Variants in PPARGC1A observed in about 807,000 individuals in gnomAD.
PPARGC1A encodes peroxisome proliferator-activated receptor gamma coactivator 1-alpha.
In PPARGC1A, 25 loss-of-function variants were observed where a neutral mutation model predicts 88.7. The observed-to-expected ratio is 0.28, with a 90% CI of 0.21 to 0.39. The LOEUF is 0.39. Ranked by LOEUF, PPARGC1A falls within the 10% of genes least tolerant of loss-of-function variation. The pLI, the probability that PPARGC1A is intolerant of heterozygous loss-of-function variation, is 1.00. For missense variants in PPARGC1A, 880 were observed against 968.7 expected (o/e 0.91, Z 1.22); for synonymous variants, 363 against 355.6 (o/e 1.02, Z -0.24).
At chr4:24,270,315 CTCTCTCTCTCTCTCTCTCTGTGTGTG>C in the PPARGC1A span, among the ~76,000 whole-genome samples, 1 of 10,906 alleles carries the variant, frequency 9.2e-5, no homozygotes, top group East Asian at 0.019. Context: ...ACCTCTCTCT[CTCTCTCTCTCTCTCTCTCTGTGTGTG>C]TGTGTGTGTG....
the PPARGC1A span, among the ~76,000 whole-genome samples, chr4:24,140,108 C>T: frequency 2.6e-5 from 4 of 152,102 alleles, no homozygotes; most frequent in African/African-American, 9.7e-5. Context: ...CCAAAACCCG[C>T]CTTTGATGTC....
intron 7 of PPARGC1A, among the ~76,000 whole-genome samples, chr4:23,817,309 G>A (rs998214982): frequency 1.3e-5 from 2 of 151,818 alleles, no homozygotes; most frequent in Admixed American, 6.6e-5. Flanking sequence ...GGGGAGTGGC[G>A]ACACCTTGAT....
intron 7 of PPARGC1A, among the ~76,000 whole-genome samples, chr4:23,821,487 A>C (rs1428931902): frequency 6.6e-6 from 1 of 151,906 alleles, no homozygotes; most frequent in East Asian, 1.9e-4. Context: ...GGGGTGGGGG[A>C]GGCACAGAAA....
chr4:24,328,396 A>G, the PPARGC1A span, among the ~76,000 whole-genome samples: 1 of 152,160 alleles, frequency 6.6e-6, no homozygotes, highest in Admixed American at 6.5e-5. Context: ...TGTCATGGAC[A>G]ATATGATTAG....
the PPARGC1A span, among the ~76,000 whole-genome samples, chr4:24,201,987 C>T: frequency 1.3e-5 from 2 of 151,802 alleles, no homozygotes; most frequent in African/African-American, 2.4e-5. Context: ...CTGCAACCTC[C>T]GCCTCCCAGG....
chr4:24,276,697 A>G, the PPARGC1A span, among the ~76,000 whole-genome samples: 1 of 152,224 alleles, frequency 6.6e-6, no homozygotes, highest in Non-Finnish European at 1.5e-5. Context: ...CTCCAAAGGT[A>G]GGAAAATTAA....
the PPARGC1A span, among the ~76,000 whole-genome samples, chr4:24,065,938 G>A: frequency 6.6e-6 from 1 of 152,182 alleles, no homozygotes; most frequent in Non-Finnish European, 1.5e-5. Context: ...TTCCTTCTCA[G>A]AAGCTCCGGC....
At chr4:23,820,558 T>G (rs762140192) in intron 7 of PPARGC1A, 13 of 399,064 alleles carry the variant, frequency 3.3e-5, no homozygotes, top group Non-Finnish European at 6.5e-5. Flanking sequence ...TAGATTTAAA[T>G]GCCTTCTGCC....
At chr4:24,270,306 CCTCTCTCTCTCTCTCTCTCTCT>C in the PPARGC1A span, among the ~76,000 whole-genome samples, 1 of 147,482 alleles carries the variant, frequency 6.8e-6, no homozygotes, top group African/African-American at 2.5e-5. Context: ...AATAAATCAA[CCTCTCTCTCTCTCTCTCTCTCT>C]CTCTCTGTGT....
At chr4:23,917,419 G>A in the PPARGC1A span, among the ~76,000 whole-genome samples, 56 of 150,612 alleles carry the variant, frequency 3.7e-4, 1 homozygote, top group African/African-American at 1.3e-3. Context: ...CTGTGGCCCA[G>A]GCTGTGCCAT....
At chr4:24,391,545 A>G in the PPARGC1A span, among the ~76,000 whole-genome samples, 1 of 152,178 alleles carries the variant, frequency 6.6e-6, no homozygotes, top group African/African-American at 2.4e-5. Flanking sequence ...AACTACAATA[A>G]TGGTGGTGTG....
chr4:24,236,258 G>A, the PPARGC1A span, among the ~76,000 whole-genome samples: 1 of 152,148 alleles, frequency 6.6e-6, no homozygotes, highest in Non-Finnish European at 1.5e-5. Flanking sequence ...GAGTGAGCAA[G>A]CTTTATCTAA....
At chr4:23,938,008 G>A in the PPARGC1A span, among the ~76,000 whole-genome samples, 1 of 152,060 alleles carries the variant, frequency 6.6e-6, no homozygotes, top group Non-Finnish European at 1.5e-5. Flanking sequence ...GCTTGGAGGT[G>A]GGTCCAAAAG....
the PPARGC1A span, among the ~76,000 whole-genome samples, chr4:23,941,665 T>G: frequency 6.6e-6 from 1 of 152,164 alleles, no homozygotes; most frequent in Middle Eastern, 3.2e-3. Context: ...GCAGGAATTC[T>G]GATGTGAGAT....
the PPARGC1A span, among the ~76,000 whole-genome samples, chr4:24,318,338 CTG>C: frequency 6.6e-6 from 1 of 152,188 alleles, no homozygotes; most frequent in Non-Finnish European, 1.5e-5. Flanking sequence ...TCTAAGGTCT[CTG>C]AGACCATCTG....
the PPARGC1A span, among the ~76,000 whole-genome samples, chr4:24,227,803 A>G: frequency 6.6e-6 from 1 of 152,218 alleles, no homozygotes; most frequent in African/African-American, 2.4e-5. Context: ...ATCTGAGAGC[A>G]GACTGATGAG....
chr4:24,455,567 G>C, the PPARGC1A span, among the ~76,000 whole-genome samples: 3 of 152,236 alleles, frequency 2.0e-5, no homozygotes, highest in Non-Finnish European at 4.4e-5. Context: ...TGGTTTGAAT[G>C]TGTCCCCCAA....
At chr4:24,419,526 C>G in the PPARGC1A span, among the ~76,000 whole-genome samples, 1 of 149,962 alleles carries the variant, frequency 6.7e-6, no homozygotes, top group Non-Finnish European at 1.5e-5. Flanking sequence ...AAAAGGCTGC[C>G]CTCTCCCAAT....
the PPARGC1A span, among the ~76,000 whole-genome samples, chr4:24,167,844 C>G: frequency 1.3e-5 from 2 of 152,154 alleles, no homozygotes; most frequent in African/African-American, 2.4e-5. Flanking sequence ...ACCTCCACCC[C>G]CTGGGCTCAA....
Sources: gnomAD v4.1 joint callset for allele counts (sites outside exome capture counted in the v4.1 genomes callset) on GRCh38, gnomAD v4.1.1 for gene constraint, MANE v1.5 for transcripts, NCBI Gene and HGNC (gene_info 2026-07-23, HGNC 2026-07-21) for gene names.